APP: variants seen among roughly 807,000 people sequenced by gnomAD.
APP encodes the protein amyloid-beta precursor protein.
Under a neutral mutation model 101.4 loss-of-function variants are expected in APP, and 31 were observed. The observed-to-expected ratio is 0.31, with a 90% CI of 0.23 to 0.41. The LOEUF is 0.41. Ranked by LOEUF, APP falls within the 10% of genes least tolerant of loss-of-function variation. The probability of loss-of-function intolerance (pLI) is 1.00; values close to 1 mark genes in which losing one functional copy is unlikely to be tolerated. For missense variants in APP, 839 were observed against 1,003.7 expected, an observed-to-expected ratio of 0.84 and a Z score of 2.22; for synonymous variants, 366 against 364.4, an observed-to-expected ratio of 1.00 and a Z score of -0.05.
intron 2 of APP, among the ~76,000 whole-genome samples, chr21:26,092,549 G>A (rs1470945005): frequency 6.6e-6 from 1 of 152,198 alleles, no homozygotes; most frequent in Admixed American, 6.5e-5. Context: ...AACAGATAGA[G>A]CACAGAAGAT....
intron 13 of APP, among the ~76,000 whole-genome samples, chr21:25,912,681 C>G (rs2039140660): frequency 6.6e-6 from 1 of 152,166 alleles, no homozygotes; most frequent in Non-Finnish European, 1.5e-5. Context: ...AAATATCCTG[C>G]CTTTCTCCTC....
intron 3 of APP, 141 bp from the exon 4 acceptor site, chr21:26,053,489 C>A (rs2045919729): frequency 3.0e-6 from 2 of 662,862 alleles, no homozygotes; most frequent in Admixed American, 4.6e-5. Context: ...ACCCTACTAC[C>A]TTTAGAATGT....
At chr21:26,076,834 T>C (rs776984918) in intron 3 of APP, among the ~76,000 whole-genome samples, 9 of 151,958 alleles carry the variant, frequency 5.9e-5, no homozygotes, top group Admixed American at 1.3e-4. Context: ...GAGGCCGAGG[T>C]GGGCGGATCA....
chr21:26,153,642 G>C lies in APP; in HGVS notation c.57+16922C>G, dbSNP rs904394846. ...TTGTACTTTTAACTCATTCCTACAA[G>C]CCATGAATCCTCTAAGCATTGTCCC... On this transcript the variant is annotated intron_variant, in intron 1 of 17. Transcript: ENST00000346798. 4.6e-5 allele frequency among the ~76,000 whole-genome samples: 7 copies of C among 152,188 alleles called. No homozygotes were observed. The East Asian group carries it at 1.2e-3, about 25-fold the overall frequency.
intron 3 of APP, among the ~76,000 whole-genome samples, chr21:26,082,284 T>G (rs536306871): frequency 0.011 from 1,670 of 152,312 alleles, 21 homozygotes; most frequent in Middle Eastern, 0.024. Context: ...CTTTGATATG[T>G]TAAATGTTGC....
intron 3 of APP, among the ~76,000 whole-genome samples, chr21:26,071,016 G>A (rs1178397581): frequency 6.6e-6 from 1 of 152,088 alleles, no homozygotes; most frequent in African/African-American, 2.4e-5. Context: ...TCCAGGCAGA[G>A]CACGAGTGTC....
At chr21:25,952,226 ATT>A (rs998123531) in intron 13 of APP, among the ~76,000 whole-genome samples, 6 of 149,314 alleles carry the variant, frequency 4.0e-5, no homozygotes, top group African/African-American at 7.5e-5. Context: ...ACACACACAC[ATT>A]AAGAGCACAT....
At chr21:26,035,704 T>G (rs1341341939) in intron 5 of APP, among the ~76,000 whole-genome samples, 5 of 152,178 alleles carry the variant, frequency 3.3e-5, no homozygotes, top group Non-Finnish European at 5.9e-5. Flanking sequence ...ACATCCTGGC[T>G]GCTGTACAGA....
chr21:26,160,258 C>A (rs1408993926), intron 1 of APP, among the ~76,000 whole-genome samples: 1 of 152,196 alleles, frequency 6.6e-6, no homozygotes, highest in African/African-American at 2.4e-5. Flanking sequence ...AAACCCTCCA[C>A]AATTCAACTA....
intron 3 of APP, among the ~76,000 whole-genome samples, chr21:26,060,662 G>T (rs1000818452): frequency 1.3e-5 from 2 of 152,228 alleles, no homozygotes; most frequent in African/African-American, 4.8e-5. Context: ...ATTTTAAATA[G>T]GGTGGTCAGG....
chr21:26,148,865 G>T (rs1460478511), intron 1 of APP, among the ~76,000 whole-genome samples: 1 of 152,186 alleles, frequency 6.6e-6, no homozygotes, highest in Admixed American at 6.5e-5. Flanking sequence ...TGTAGATGTG[G>T]AAATTGGTTT....
intron 13 of APP, among the ~76,000 whole-genome samples, chr21:25,953,905 G>A (rs1005489023): frequency 1.3e-5 from 2 of 152,228 alleles, no homozygotes; most frequent in African/African-American, 2.4e-5. Flanking sequence ...GGTGAGGCAT[G>A]TGGGTGATGG....
Position 25,881,533 on chromosome 21 carries a change from G to C in APP, c.*137C>G. On this transcript the variant is annotated 3_prime_UTR_variant, in exon 18 of 18. Coordinates refer to ENST00000346798, the MANE Select transcript of APP (RefSeq NM_000484.4). Reference sequence around the variant, plus strand: ...AGTTCAGGCATCTACTTGTGTTACAGCACAGCTGTCAAAAGGCGATAATGA... The same window carrying C: ...AGTTCAGGCATCTACTTGTGTTACACCACAGCTGTCAAAAGGCGATAATGA... 1 of 931,760 alleles carries C rather than the reference G, an allele frequency of 1.1e-6. No individual in the cohort carries two copies. The highest frequency in any genetic ancestry group is 1.7e-6 in the Non-Finnish European group (1 of 579,572). 57.7% of individuals were successfully genotyped at this position (931,760 alleles called of 1,614,324 possible). A position where few individuals can be genotyped will look rare whatever the true frequency, so the allele number is the denominator to read the frequency against.
At chr21:25,925,848 A>G (rs2039871805) in intron 13 of APP, among the ~76,000 whole-genome samples, 1 of 152,202 alleles carries the variant, frequency 6.6e-6, no homozygotes, top group African/African-American at 2.4e-5. Flanking sequence ...AGGCAGGAGA[A>G]TTGCTTGAAC....
At chr21:26,043,871 T>TC (rs1601307288) in intron 5 of APP, among the ~76,000 whole-genome samples, 2 of 170 alleles carry the variant, frequency 0.012, no homozygotes, top group East Asian at 0.33. Context: ...GAAAAAGAAA[T>TC]TTAATCGACT....
chr21:26,101,389 A>G (rs2062055245), intron 2 of APP, among the ~76,000 whole-genome samples: 1 of 151,796 alleles, frequency 6.6e-6, no homozygotes, highest in Non-Finnish European at 1.5e-5. Context: ...GAGCCATGGC[A>G]CCCGGCCCAA....
At chr21:26,010,531 C>T (rs774863351) in intron 6 of APP, among the ~76,000 whole-genome samples, 22 of 152,100 alleles carry the variant, frequency 1.4e-4, no homozygotes, top group Non-Finnish European at 2.9e-4. Flanking sequence ...TGAGACCAGC[C>T]GGGCTTGGTG....
chr21:25,894,291 T>C (rs1008933256), intron 16 of APP, among the ~76,000 whole-genome samples: 2 of 152,332 alleles, frequency 1.3e-5, no homozygotes, highest in African/African-American at 4.8e-5. Context: ...TCAAGTCTTA[T>C]TATTTCAGCC....
chr21:25,897,562 A>G lies in APP; in HGVS notation c.2064+11T>C, dbSNP rs200589653. On this transcript the variant is annotated intron_variant, in intron 16 of 17. Coordinates refer to ENST00000346798, the MANE Select transcript of APP (RefSeq NM_000484.4). ...AAACAGTAGTGGAAAGAGGTAAATT[A>G]TTTTACGTACCAATTTTTGATGATG... is the stretch of plus-strand genomic sequence containing the variant. 1.3e-5 allele frequency: 21 copies of G among 1,600,468 alleles called. No homozygotes were observed. The highest frequency in any genetic ancestry group is 1.7e-5 in the Non-Finnish European group (20 of 1,167,756).
Sources: allele counts gnomAD v4.1 joint callset (sites outside exome capture counted in the v4.1 genomes callset), GRCh38; gene constraint gnomAD v4.1.1; transcripts MANE v1.5; gene names NCBI Gene and HGNC (gene_info 2026-07-23, HGNC 2026-07-21).